SAP130: variants seen among roughly 807,000 people sequenced by gnomAD.
SAP130 encodes Sin3A associated protein 130, also known as histone deacetylase complex subunit SAP130.
Under a neutral mutation model 103.2 loss-of-function variants are expected in SAP130, and 16 were observed. That is an observed-to-expected ratio of 0.16 (90% CI 0.10 to 0.24). The LOEUF (loss-of-function observed/expected upper bound fraction) is 0.24. Among genes scored for constraint, SAP130 ranks in the 10% least tolerant of loss-of-function variants. SAP130 has a pLI of 1.00. For missense variants in SAP130, 990 were observed against 1,359.7 expected (o/e 0.73, Z 4.28); for synonymous variants, 477 against 497.0 (o/e 0.96, Z 0.53).
At chr2:128,027,316 T>TCCCCCGCCCGCCCATTGGC in intron 1 of SAP130, 2 of 1,031,950 alleles carry the variant, frequency 1.9e-6, no homozygotes, top group Non-Finnish European at 2.4e-6. Context: ...TGCCCCTGCC[T>TCCCCCGCCCGCCCATTGGC]CCCCCGCCCG....
intron 15 of SAP130, among the ~76,000 whole-genome samples, chr2:127,963,470 A>G (rs1350674712): frequency 1.3e-5 from 2 of 152,146 alleles, no homozygotes; most frequent in East Asian, 1.9e-4. Context: ...GTTAGAAGCA[A>G]TCTGCCCACC....
At chr2:127,987,011 A>C (rs1435511044) in intron 13 of SAP130, 49 bp from the exon 14 acceptor site, 83 of 1,508,916 alleles carry the variant, frequency 5.5e-5, no homozygotes, top group Non-Finnish European at 7.5e-5. Flanking sequence ...GGGAAACAAA[A>C]TGCCATAGAA....
chr2:127,942,337 G>A lies in SAP130; in HGVS notation c.3015+87C>T. 1 of 1,103,774 alleles carries A rather than the reference G, an allele frequency of 9.1e-7. No homozygotes were observed. The highest frequency in any genetic ancestry group is 2.4e-5 in the East Asian group (1 of 42,488). The allele number at this position is 1,103,774 out of a possible 1,614,324, so 68.4% of individuals were successfully genotyped here. A position where few individuals can be genotyped will look rare whatever the true frequency, so the allele number is the denominator to read the frequency against. Reference sequence around the variant, plus strand: ...CGTATGTTTTTACTGAAGATATGAGGGAGACGGGGGGAAACGGGAGAAGTA... The same window carrying A: ...CGTATGTTTTTACTGAAGATATGAGAGAGACGGGGGGAAACGGGAGAAGTA... On this transcript the variant is annotated intron_variant, in intron 20 of 20. Transcript: ENST00000643581. This position sits in a 1 kb window ranked among gnomAD's most constrained non-coding sequence, Gnocchi z 4.8.
intron 1 of SAP130, chr2:128,027,321 C>G: frequency 8.6e-7 from 1 of 1,157,402 alleles, no homozygotes. Flanking sequence ...CTGCCTCCCC[C>G]GCCCGCCCAT....
intron 5 of SAP130, among the ~76,000 whole-genome samples, chr2:128,014,055 A>G (rs920701660): frequency 5.3e-5 from 8 of 152,230 alleles, no homozygotes; most frequent in African/African-American, 1.9e-4. Flanking sequence ...AATAAAGACC[A>G]TGTTGAGATT....
chr2:127,988,321 G>A (rs1045264889), intron 13 of SAP130, among the ~76,000 whole-genome samples: 3 of 151,520 alleles, frequency 2.0e-5, no homozygotes, highest in African/African-American at 7.3e-5. Context: ...CTACACGGGT[G>A]TCTGAGGCAT....
At chr2:128,010,470 A>C in intron 6 of SAP130, 77 bp from the exon 7 acceptor site, 1 of 1,361,520 alleles carries the variant, frequency 7.3e-7, no homozygotes, top group Non-Finnish European at 1.0e-6. Flanking sequence ...TGTAATTTGA[A>C]ACTTGAGCCT....
chr2:127,980,734 G>A (rs986181222), intron 14 of SAP130, among the ~76,000 whole-genome samples: 5 of 152,002 alleles, frequency 3.3e-5, no homozygotes, highest in Admixed American at 1.3e-4. Context: ...GCTTCAGCCC[G>A]GGAGTTCGAG....
chr2:127,945,694 C>A, intron 18 of SAP130, 135 bp from the exon 19 acceptor site: 1 of 618,728 alleles, frequency 1.6e-6, no homozygotes, highest in South Asian at 1.9e-5. Context: ...GCTCTGTCAC[C>A]CAGGCTGAAG....
At position 127,950,343 on chromosome 2, in the gene SAP130, T is replaced by C. The variant is rs751959100; in HGVS notation, c.2488A>G (p.Met830Val). ...CCAGGTGGTAGGTCACTTGTAGGCA[T>C]GGACAAGTTGTTTGCCAGCAATGCA... ...SLALLANNLS[M>V]PTSDLPPGAS... is the part of the protein sequence containing the mutation. The change falls in exon 17 of 21, where the codon ATG (methionine) becomes GTG (valine). Residue 830 changes from methionine (M) to valine (V), a missense_variant. Met to Val is a conservative substitution (Grantham distance 21, BLOSUM62 1). Around this residue, in one of 6 missense-constraint regions of SAP130, gnomAD observed 349 missense variants for 384.1 expected, o/e 0.91. Transcript: ENST00000643581. 4.4e-5 allele frequency: 71 copies of C among 1,614,072 alleles called. No individual in the cohort carries two copies. Among genetic ancestry groups the C allele is most frequent in the Non-Finnish European group, 5.7e-5 (67 of 1,180,006 alleles).
At chr2:127,978,133 G>A (rs956867485) in intron 14 of SAP130, 44 bp from the exon 15 acceptor site, 53 of 1,409,984 alleles carry the variant, frequency 3.8e-5, no homozygotes, top group Non-Finnish European at 4.6e-5. Context: ...CAGTCCAAGG[G>A]CATTCAAGGC....
At chr2:127,956,811 C>A (rs1049544277) in intron 15 of SAP130, among the ~76,000 whole-genome samples, 5 of 151,918 alleles carry the variant, frequency 3.3e-5, no homozygotes, top group Non-Finnish European at 7.4e-5. Flanking sequence ...TTGGAGGGCA[C>A]CCACCTGGTG....
rs1369796088 is a variant in SAP130 at position 127,953,419 on chromosome 2, TC to T, written c.2422+1566del. Among the ~76,000 whole-genome samples the T allele has an allele frequency of 6.6e-6, 1 of 152,184 alleles. No individual in the cohort carries two copies. The highest frequency in any genetic ancestry group is 1.5e-5 in the Non-Finnish European group (1 of 68,030). On this transcript the variant is annotated intron_variant, in intron 16 of 20. Transcript: ENST00000643581. This position sits in a 1 kb window ranked among gnomAD's most constrained non-coding sequence, Gnocchi z 4.0. ...ATCCCTGTTCCCAGAGTCTGTTCTTTCCCCAGCAGCCAGAGTGTTTATCTTC... is the reference window on the plus strand; with the variant it reads ...ATCCCTGTTCCCAGAGTCTGTTCTTTCCCAGCAGCCAGAGTGTTTATCTTC...
chr2:127,993,101 T>C (rs1682924781), intron 12 of SAP130, 86 bp downstream of exon 12: 1 of 1,460,486 alleles, frequency 6.8e-7, no homozygotes. Flanking sequence ...ATTAATCTCA[T>C]ACAAAAAATA....
At chr2:128,009,161 C>T (rs962365303) in intron 7 of SAP130, among the ~76,000 whole-genome samples, 13 of 152,158 alleles carry the variant, frequency 8.5e-5, no homozygotes, top group African/African-American at 2.7e-4. Context: ...CAGAAATCTT[C>T]TTGACTCTAT....
At chr2:127,966,339 C>T (rs1475805222) in intron 15 of SAP130, among the ~76,000 whole-genome samples, 1 of 151,852 alleles carries the variant, frequency 6.6e-6, no homozygotes, top group Non-Finnish European at 1.5e-5. Flanking sequence ...AGCGAGACTC[C>T]GTCTCAAAAA....
intron 19 of SAP130, among the ~76,000 whole-genome samples, chr2:127,944,208 C>CT (rs1023619336): frequency 7.9e-5 from 12 of 151,640 alleles, no homozygotes; most frequent in East Asian, 1.9e-4. Context: ...AATTAAAACA[C>CT]TTTTTTTTGT....
At chr2:128,003,481 T>A (rs141466439) in intron 7 of SAP130, among the ~76,000 whole-genome samples, 2 of 149,282 alleles carry the variant, frequency 1.3e-5, no homozygotes, top group East Asian at 4.2e-4. Flanking sequence ...CAACCTTGAC[T>A]TCTGGGGTTC....
intron 1 of SAP130, among the ~76,000 whole-genome samples, chr2:128,026,932 C>A (rs1043835968): frequency 2.0e-5 from 3 of 152,180 alleles, no homozygotes; most frequent in African/African-American, 7.2e-5. Flanking sequence ...CAAGCGATCT[C>A]CCGATTCGCC....
Sources: gnomAD v4.1 joint callset for allele counts (sites outside exome capture counted in the v4.1 genomes callset) on GRCh38, gnomAD v4.1.1 for gene constraint, gnomAD v4.1.1 regional missense constraint, Gnocchi (gnomAD v3.1) non-coding constraint, MANE v1.5 for transcripts, NCBI Gene and HGNC (gene_info 2026-07-23, HGNC 2026-07-21) for gene names.